Variants in DMD observed in about 807,000 individuals in gnomAD.
The protein encoded by DMD is dystrophin.
In DMD, 63 loss-of-function variants were observed where a neutral mutation model predicts 330.1. The observed-to-expected ratio is 0.19, with a 90% CI of 0.16 to 0.24. The LOEUF (loss-of-function observed/expected upper bound fraction) is 0.24, where lower values mean the gene tolerates loss of function less well. DMD is among the 10% of genes least tolerant of loss of function. DMD has a pLI of 1.00. For synonymous variants in DMD, 1,223 were observed against 959.8 expected, an observed-to-expected ratio of 1.27 and a Z score of -5.07; for missense variants, 3,344 against 2,684.1, an observed-to-expected ratio of 1.25 and a Z score of -5.43.
intron 41 of DMD, among the ~76,000 whole-genome samples, chrX:32,321,419 G>C (rs1420066930): frequency 1.8e-5 from 2 of 111,022 alleles, no homozygotes; most frequent in Non-Finnish European, 3.8e-5. Context: ...GGATCTGATG[G>C]TTTTCAAGTA....
intron 62 of DMD, among the ~76,000 whole-genome samples, chrX:31,294,945 G>A (rs183762935): frequency 1.8e-5 from 2 of 111,999 alleles, no homozygotes; most frequent in South Asian, 3.7e-4. Context: ...GTGTAAACTC[G>A]GAATTGAATA....
At chrX:32,634,759 G>A (rs970238926) in intron 11 of DMD, among the ~76,000 whole-genome samples, 15 of 111,705 alleles carry the variant, frequency 1.3e-4, no homozygotes, top group Non-Finnish European at 2.1e-4. Context: ...CTTCATAAGC[G>A]GAAGGAAGGA....
At chrX:32,958,560 T>C (rs1421207142) in intron 2 of DMD, among the ~76,000 whole-genome samples, 1 of 111,246 alleles carries the variant, frequency 9.0e-6, no homozygotes, top group African/African-American at 3.3e-5. Context: ...AACAATCATG[T>C]CTCTTAAGAA....
chrX:32,487,004 T>C (rs1177441014), intron 20 of DMD, among the ~76,000 whole-genome samples: 1 of 110,811 alleles, frequency 9.0e-6, no homozygotes, highest in African/African-American at 3.3e-5. Flanking sequence ...ACAAATGGGA[T>C]CTAATTAAAC....
At chrX:32,114,579 A>G (rs182960827) in intron 44 of DMD, among the ~76,000 whole-genome samples, 1 of 111,494 alleles carries the variant, frequency 9.0e-6, no homozygotes, top group East Asian at 2.8e-4. Flanking sequence ...TTCTCCCTCT[A>G]TAATGACAAG....
chrX:32,533,682 T>C (rs1395777249), intron 17 of DMD, among the ~76,000 whole-genome samples: 1 of 112,277 alleles, frequency 8.9e-6, no homozygotes, highest in Non-Finnish European at 1.9e-5. Context: ...TAGATATTAG[T>C]TGAGTGAATA....
chrX:33,227,203 G>C (rs2052307696), intron 1 of DMD, among the ~76,000 whole-genome samples: 1 of 111,079 alleles, frequency 9.0e-6, no homozygotes, highest in Non-Finnish European at 1.9e-5. Flanking sequence ...ACACAAGAAA[G>C]AGTAAAGAAA....
intron 9 of DMD, among the ~76,000 whole-genome samples, chrX:32,664,351 C>A (rs112379388): frequency 1.0e-3 from 109 of 107,675 alleles, no homozygotes; most frequent in African/African-American, 3.5e-3. Context: ...ACGCCATTCT[C>A]CTGCCTCAGC....
At chrX:32,169,121 T>A (rs887908918) in intron 44 of DMD, among the ~76,000 whole-genome samples, 1 of 111,931 alleles carries the variant, frequency 8.9e-6, no homozygotes, top group Non-Finnish European at 1.9e-5. Flanking sequence ...GCAATGTTCA[T>A]TAATGGATAA....
intron 51 of DMD, among the ~76,000 whole-genome samples, chrX:31,739,386 C>A (rs1285587390): frequency 8.9e-6 from 1 of 112,033 alleles, no homozygotes; most frequent in Non-Finnish European, 1.9e-5. Flanking sequence ...AATATGATAG[C>A]TGTTTAAGAA....
intron 37 of DMD, among the ~76,000 whole-genome samples, chrX:32,350,590 C>G (rs1258412657): frequency 3.6e-5 from 4 of 111,378 alleles, no homozygotes; most frequent in African/African-American, 1.3e-4. Context: ...CGTTCCTGGT[C>G]CTTACACAAA....
intron 44 of DMD, among the ~76,000 whole-genome samples, chrX:32,164,787 G>A (rs2096861982): frequency 1.1e-5 from 1 of 93,195 alleles, no homozygotes; most frequent in African/African-American, 4.5e-5. Flanking sequence ...TGGTTTCGTG[G>A]ACCAGGTCCC....
chrX:32,793,153 C>G (rs1413077042), intron 7 of DMD, among the ~76,000 whole-genome samples: 1 of 111,663 alleles, frequency 9.0e-6, no homozygotes. Flanking sequence ...GGAACCTGTA[C>G]AAAAACATGG....
chrX:31,723,400 G>A (rs1238473286), intron 52 of DMD, among the ~76,000 whole-genome samples: 1 of 111,176 alleles, frequency 9.0e-6, no homozygotes, highest in Non-Finnish European at 1.9e-5. Context: ...CTCTGGTTAT[G>A]ACATTAATCT....
intron 42 of DMD, among the ~76,000 whole-genome samples, chrX:32,301,405 C>T (rs888789828): frequency 3.7e-5 from 4 of 109,405 alleles, no homozygotes; most frequent in Middle Eastern, 4.7e-3. Context: ...GTTAATCATA[C>T]GTGATTTACA....
Position 32,247,747 on chromosome X carries a change from C to T in DMD, c.6291-30684G>A, listed in dbSNP as rs139818739. Among the ~76,000 whole-genome samples, 208 of 111,406 alleles carry T rather than the reference C, an allele frequency of 1.9e-3. 1 individual carries two copies. Among genetic ancestry groups the T allele is most frequent in the Middle Eastern group, 0.014 (3 of 216 alleles). ...CCAAGGCAGACATGAACTGAGGACT[C>T]GTCACTGTGCATTAAAACTGTGAGT... is the stretch of plus-strand genomic sequence containing the variant. On this transcript the variant is annotated intron_variant, in intron 43 of 78. Coordinates refer to ENST00000357033, the MANE Select transcript of DMD (RefSeq NM_004006.3).
chrX:31,794,324 G>C (rs776497441), intron 50 of DMD, among the ~76,000 whole-genome samples: 2 of 111,685 alleles, frequency 1.8e-5, no homozygotes, highest in East Asian at 5.6e-4. Context: ...TGATCGGGAT[G>C]ATTGAGAGGA....
At chrX:32,199,071 G>A (rs1471688347) in intron 44 of DMD, among the ~76,000 whole-genome samples, 2 of 112,147 alleles carry the variant, frequency 1.8e-5, no homozygotes, top group Non-Finnish European at 3.8e-5. Context: ...CGTGCTTATT[G>A]TGAATGCGAT....
intron 44 of DMD, among the ~76,000 whole-genome samples, chrX:32,168,053 A>G (rs1316704616): frequency 1.8e-5 from 2 of 112,592 alleles, no homozygotes; most frequent in Non-Finnish European, 1.9e-5. Flanking sequence ...CTTAGTTTAT[A>G]GAATCTCAAC....
Sources: gnomAD v4.1 joint callset for allele counts (sites outside exome capture counted in the v4.1 genomes callset) on GRCh38, gnomAD v4.1.1 for gene constraint, MANE v1.5 for transcripts, NCBI Gene and HGNC (gene_info 2026-07-23, HGNC 2026-07-21) for gene names.